The following SRGAP3 variants were observed in gnomAD, a reference collection of about 807,000 sequenced individuals.
SRGAP3 encodes SLIT-ROBO Rho GTPase-activating protein 3.
In SRGAP3, 39 loss-of-function variants were observed where a neutral mutation model predicts 121.1. The ratio of observed to expected loss-of-function variants is 0.32; its 90% CI spans 0.25 to 0.42. SRGAP3 has a LOEUF of 0.42. Among genes scored for constraint, SRGAP3 ranks in the 10% least tolerant of loss-of-function variants. The probability of loss-of-function intolerance (pLI) is 1.00; values close to 1 mark genes in which losing one functional copy is unlikely to be tolerated. For missense variants in SRGAP3, 1,213 were observed against 1,470.6 expected, an observed-to-expected ratio of 0.82 and a Z score of 2.86; for synonymous variants, 601 against 570.0, an observed-to-expected ratio of 1.05 and a Z score of -0.77.
intron 3 of SRGAP3, among the ~76,000 whole-genome samples, chr3:9,094,296 G>A (rs2124869350): frequency 6.6e-6 from 1 of 152,186 alleles, no homozygotes; most frequent in African/African-American, 2.4e-5. Flanking sequence ...ATTGATACTT[G>A]TAGATCTAGC....
At chr3:9,268,535 T>C (rs1954412457) in intron 3 of SRGAP3, among the ~76,000 whole-genome samples, 1 of 152,118 alleles carries the variant, frequency 6.6e-6, no homozygotes, top group Non-Finnish European at 1.5e-5. Context: ...CTGGGGAGAC[T>C]AAGACAGCAT....
intron 4 of SRGAP3, among the ~76,000 whole-genome samples, chr3:9,077,159 T>C (rs1405396342): frequency 7.6e-6 from 1 of 130,860 alleles, no homozygotes; most frequent in Non-Finnish European, 1.5e-5. Context: ...GTTCACACAC[T>C]ACTCTTATCT....
intron 3 of SRGAP3, among the ~76,000 whole-genome samples, chr3:9,263,420 A>T (rs1954292252): frequency 6.6e-6 from 1 of 152,198 alleles, no homozygotes; most frequent in South Asian, 2.1e-4. Flanking sequence ...AAAAAAATCA[A>T]TGAATCCAGG....
chr3:9,317,819 C>T (rs1250660513), intron 3 of SRGAP3, among the ~76,000 whole-genome samples: 1 of 152,168 alleles, frequency 6.6e-6, no homozygotes, highest in African/African-American at 2.4e-5. Flanking sequence ...ACCACTGATA[C>T]GGGGAGTGAC....
chr3:9,061,295 C>G (rs1946158528), intron 5 of SRGAP3, among the ~76,000 whole-genome samples: 1 of 152,198 alleles, frequency 6.6e-6, no homozygotes, highest in South Asian at 2.1e-4. Flanking sequence ...CTGCTGCTCG[C>G]ACCTGAGAAG....
chr3:8,981,899 T>G lies in SRGAP3; in HGVS notation c.*3620A>C. On this transcript the variant is annotated 3_prime_UTR_variant, in exon 22 of 22. Coordinates refer to ENST00000383836, the MANE Select transcript of SRGAP3 (RefSeq NM_014850.4). ...CAAAGTCTAATTCCCAAGCTCGCAA[T>G]TCCCTCCGATTGTGCACTCTGTCCG... 1 of 224,546 alleles carries G rather than the reference T, an allele frequency of 4.5e-6. No individual in the cohort carries two copies. The highest frequency in any genetic ancestry group is 8.9e-6 in the Non-Finnish European group (1 of 112,556). 13.9% of individuals were successfully genotyped at this position (224,546 alleles called of 1,614,324 possible). A position where few individuals can be genotyped will look rare whatever the true frequency, so the allele number is the denominator to read the frequency against.
intron 1 of SRGAP3, among the ~76,000 whole-genome samples, chr3:9,191,948 C>T (rs375572815): frequency 3.3e-5 from 5 of 152,342 alleles, no homozygotes; most frequent in East Asian, 1.9e-4. Flanking sequence ...TCAGGTTCCA[C>T]CATGATCGTA....
At chr3:9,059,726 G>C in intron 6 of SRGAP3, 2 of 206,354 alleles carry the variant, frequency 9.7e-6, no homozygotes, top group East Asian at 1.2e-4. Context: ...TAAGCTGCCC[G>C]ATTTCTCCCG....
chr3:9,097,453 G>A (rs1416981625), intron 3 of SRGAP3, among the ~76,000 whole-genome samples: 1 of 152,180 alleles, frequency 6.6e-6, no homozygotes, highest in Non-Finnish European at 1.5e-5. Flanking sequence ...AGCTCACACA[G>A]CAGGAAAGTG....
intron 1 of SRGAP3, among the ~76,000 whole-genome samples, chr3:9,354,133 G>A (rs542953117): frequency 1.3e-4 from 20 of 150,982 alleles, no homozygotes; most frequent in African/African-American, 4.9e-4. Flanking sequence ...AAGGAAGGGG[G>A]CGACAGGATG....
chr3:9,283,693 T>A (rs1466164481), intron 3 of SRGAP3, among the ~76,000 whole-genome samples: 1 of 152,072 alleles, frequency 6.6e-6, no homozygotes, highest in African/African-American at 2.4e-5. Context: ...GATAATTTTT[T>A]TAAAAAAAAG....
chr3:9,076,952 T>C (rs73015437), intron 4 of SRGAP3, among the ~76,000 whole-genome samples: 2,436 of 152,268 alleles, frequency 0.016, 34 homozygotes, highest in South Asian at 0.027. Context: ...GTTCACACAC[T>C]ACTCTTTTTA....
At chr3:9,080,153 T>C in intron 3 of SRGAP3, 66 bp from the exon 4 acceptor site, 1 of 1,559,836 alleles carries the variant, frequency 6.4e-7, no homozygotes, top group Non-Finnish European at 8.8e-7. Context: ...CAATCTCTTT[T>C]CAAAAGCGAA....
At chr3:9,305,967 T>A (rs1230008163) in intron 3 of SRGAP3, among the ~76,000 whole-genome samples, 7 of 152,242 alleles carry the variant, frequency 4.6e-5, no homozygotes, top group Admixed American at 1.3e-4. Context: ...CAGTTCTAGA[T>A]CCTTGAGGAA....
rs1949011110 is a variant in SRGAP3, at chr3:9,121,708, C to T, written c.260+3017G>A. ...GTGATACAAGGGAATAGGGTGCCCC[C>T]CCATATCCACAATCCCTGCCTTTCT... On this transcript the variant is annotated intron_variant, in intron 2 of 21. Coordinates refer to ENST00000383836, the MANE Select transcript of SRGAP3 (RefSeq NM_014850.4). Among the ~76,000 whole-genome samples the T allele has an allele frequency of 2.6e-5, 4 of 152,208 alleles. No individual in the cohort carries two copies. The South Asian group carries it at 8.3e-4, about 32-fold the overall frequency.
At position 9,013,996 on chromosome 3, in the gene SRGAP3, A is replaced by G. The variant is rs1574908994; in HGVS notation, c.1814-154T>C. On this transcript the variant is annotated intron_variant, in intron 15 of 21. Transcript: ENST00000383836. Reference sequence around the variant, plus strand: ...ATCACAGGTGATCCTGGCCTGGCCAATCAGAGCATCCATCTCCCTAGCTAC... The same window carrying G: ...ATCACAGGTGATCCTGGCCTGGCCAGTCAGAGCATCCATCTCCCTAGCTAC... 15 of 727,002 alleles carry G rather than the reference A, an allele frequency of 2.1e-5. No individual in the cohort carries two copies. In the East Asian group the frequency reaches 3.8e-4, roughly 18 times the overall value. 45.0% of individuals were successfully genotyped at this position (727,002 alleles called of 1,614,324 possible). A position where few individuals can be genotyped will look rare whatever the true frequency, so the allele number is the denominator to read the frequency against.
chr3:9,234,969 G>A (rs998403317), intron 1 of SRGAP3, among the ~76,000 whole-genome samples: 1 of 152,178 alleles, frequency 6.6e-6, no homozygotes, highest in Non-Finnish European at 1.5e-5. Flanking sequence ...TGGGAAGGGG[G>A]AAATTCTAGC....
At chr3:9,286,206 CACA>C (rs931867802) in intron 3 of SRGAP3, among the ~76,000 whole-genome samples, 4 of 151,918 alleles carry the variant, frequency 2.6e-5, no homozygotes, top group Admixed American at 2.6e-4. Context: ...TCCTGTGTCA[CACA>C]ACACTTATAA....
At position 8,997,500 on chromosome 3, in the gene SRGAP3, G is replaced by A. The variant is rs1942477223; in HGVS notation, c.2228-2977C>T. Among the ~76,000 whole-genome samples, 4 of 152,178 alleles carry A rather than the reference G, an allele frequency of 2.6e-5. No individual in the cohort carries two copies. In the South Asian group the frequency reaches 8.3e-4, roughly 32 times the overall value. ...AATCCTCAGAAGGCTTCCCATGGAG[G>A]CTGGAACAAAATCCCAGTGTCTTCC... On this transcript the variant is annotated intron_variant, in intron 18 of 21. Coordinates refer to ENST00000383836, the MANE Select transcript of SRGAP3 (RefSeq NM_014850.4).
Sources: allele counts gnomAD v4.1 joint callset (sites outside exome capture counted in the v4.1 genomes callset), GRCh38; gene constraint gnomAD v4.1.1; transcripts MANE v1.5; gene names NCBI Gene and HGNC (gene_info 2026-07-23, HGNC 2026-07-21).